The following GRM7 variants were observed in gnomAD, a reference collection of about 807,000 sequenced individuals.
The protein encoded by GRM7 is metabotropic glutamate receptor 7.
Under a neutral mutation model 84.5 loss-of-function variants are expected in GRM7, and 35 were observed. That is an observed-to-expected ratio of 0.41 (90% confidence interval 0.32 to 0.55). The LOEUF is 0.55. Ranked by LOEUF, GRM7 falls within the 20% of genes least tolerant of loss-of-function variation. GRM7 has a pLI of 0.19. For synonymous variants in GRM7, 487 were observed against 455.1 expected (o/e 1.07, Z -0.89); for missense variants, 1,003 against 1,194.6 (o/e 0.84, Z 2.36).
At chr3:6,912,413 G>A (rs185002213) in intron 1 of GRM7, among the ~76,000 whole-genome samples, 37 of 152,282 alleles carry the variant, frequency 2.4e-4, no homozygotes, top group Non-Finnish European at 4.0e-4. Flanking sequence ...TTTGGGAAAT[G>A]CTGTCCTACT....
chr3:7,699,887 AC>A (rs1701163241), intron 9 of GRM7, among the ~76,000 whole-genome samples: 1 of 152,172 alleles, frequency 6.6e-6, no homozygotes, highest in Non-Finnish European at 1.5e-5. Context: ...GGTCAGAGTT[AC>A]AGGCTCTGGA....
intron 1 of GRM7, among the ~76,000 whole-genome samples, chr3:7,140,380 T>C (rs1233367003): frequency 1.3e-5 from 2 of 151,650 alleles, no homozygotes; most frequent in African/African-American, 4.9e-5. Context: ...GGGAAAAAAA[T>C]GAATTGTAAG....
chr3:7,561,319 A>G (rs886739279), intron 7 of GRM7: 1 of 267,518 alleles, frequency 3.7e-6, no homozygotes, highest in African/African-American at 2.2e-5. Context: ...CATTGAATTT[A>G]GTGTGATTTA....
At chr3:7,526,522 T>G (rs1300803408) in intron 7 of GRM7, among the ~76,000 whole-genome samples, 1 of 151,952 alleles carries the variant, frequency 6.6e-6, no homozygotes, top group African/African-American at 2.4e-5. Context: ...GTGCAAAAGT[T>G]CTTTAGTTTA....
At chr3:7,029,093 C>T (rs1696088339) in intron 1 of GRM7, among the ~76,000 whole-genome samples, 1 of 152,098 alleles carries the variant, frequency 6.6e-6, no homozygotes, top group Non-Finnish European at 1.5e-5. Context: ...CACCTGAGGT[C>T]AGGAGTTCAA....
At chr3:7,634,638 C>G (rs550328424) in intron 8 of GRM7, among the ~76,000 whole-genome samples, 1 of 151,772 alleles carries the variant, frequency 6.6e-6, no homozygotes, top group Non-Finnish European at 1.5e-5. Flanking sequence ...ACTAAAAATA[C>G]ATAAAATTAG....
chr3:7,680,054 C>T lies in GRM7; in HGVS notation c.2457C>T (p.Tyr819=), dbSNP rs775308992. 2 of 1,614,018 alleles carry T rather than the reference C, an allele frequency of 1.2e-6. No individual in the cohort carries two copies. Among genetic ancestry groups the T allele is most frequent in the Non-Finnish European group, 1.7e-6 (2 of 1,179,890 alleles). The change falls in exon 9 of 10, where the codon TAC becomes TAT. Residue 819 remains tyrosine (Y), a synonymous_variant. Coordinates refer to ENST00000357716, the MANE Select transcript of GRM7 (RefSeq NM_000844.4). ...FGTAQSAEKL[Y]IQTTTLTISM... ...TTGTGTGTTGTGTCTCCTAGCTCTA[C>T]ATACAAACTACCACGCTTACAATCT...
chr3:7,388,567 G>C (rs917103768), intron 4 of GRM7, among the ~76,000 whole-genome samples: 1 of 151,978 alleles, frequency 6.6e-6, no homozygotes, highest in Non-Finnish European at 1.5e-5. Context: ...AATCTGTCTG[G>C]TCCAAGGCTT....
chr3:7,095,089 C>G (rs539852290), intron 1 of GRM7, among the ~76,000 whole-genome samples: 4 of 151,608 alleles, frequency 2.6e-5, no homozygotes, highest in African/African-American at 9.7e-5. Context: ...ATCTCTTGGT[C>G]TCTGGTGTTG....
intron 9 of GRM7, among the ~76,000 whole-genome samples, chr3:7,731,317 G>T (rs1419099381): frequency 6.6e-6 from 1 of 152,152 alleles, no homozygotes; most frequent in Non-Finnish European, 1.5e-5. Context: ...GGAAAAAAAG[G>T]ATGGCAAAGC....
At chr3:7,049,889 A>G (rs530130563) in intron 1 of GRM7, among the ~76,000 whole-genome samples, 20 of 152,074 alleles carry the variant, frequency 1.3e-4, no homozygotes, top group African/African-American at 2.6e-4. Flanking sequence ...GGCTTACTCA[A>G]GGAACTGGAA....
chr3:7,527,507 T>A (rs1355375795), intron 7 of GRM7, among the ~76,000 whole-genome samples: 1 of 152,056 alleles, frequency 6.6e-6, no homozygotes, highest in Non-Finnish European at 1.5e-5. Flanking sequence ...CCTGTTTGGA[T>A]GCCTTTTATT....
At chr3:6,968,777 C>A (rs1429878479) in intron 1 of GRM7, among the ~76,000 whole-genome samples, 1 of 152,148 alleles carries the variant, frequency 6.6e-6, no homozygotes, top group Non-Finnish European at 1.5e-5. Flanking sequence ...CCCTCCATAT[C>A]TTTCAAGGCA....
chr3:7,504,300 G>C (rs911973012), intron 7 of GRM7, among the ~76,000 whole-genome samples: 9 of 152,082 alleles, frequency 5.9e-5, no homozygotes, highest in African/African-American at 2.2e-4. Flanking sequence ...CTGCTTCTTT[G>C]TACTTCTTCT....
intron 2 of GRM7, among the ~76,000 whole-genome samples, chr3:7,266,609 T>TA (rs1055137833): frequency 1.2e-4 from 18 of 152,302 alleles, no homozygotes; most frequent in African/African-American, 4.1e-4. Flanking sequence ...CCTTTTTTTT[T>TA]AACCAAACAA....
intron 5 of GRM7, among the ~76,000 whole-genome samples, chr3:7,443,991 GA>G (rs1697400943): frequency 6.6e-6 from 1 of 152,120 alleles, no homozygotes; most frequent in South Asian, 2.1e-4. Flanking sequence ...ACAGGAGGAG[GA>G]AAAAAGATTA....
chr3:7,076,051 T>C (rs1206733743), intron 1 of GRM7, among the ~76,000 whole-genome samples: 7 of 152,084 alleles, frequency 4.6e-5, no homozygotes, highest in Non-Finnish European at 1.0e-4. Context: ...AATGAACAAA[T>C]ACTTTGTAAA....
At position 7,227,107 on chromosome 3, in the gene GRM7, G is replaced by T. The variant is rs1163856769; in HGVS notation, c.737-71577G>T. Among the ~76,000 whole-genome samples, 3 of 152,074 alleles carry T rather than the reference G, an allele frequency of 2.0e-5. No individual in the cohort carries two copies. The South Asian group carries it at 6.2e-4, about 31-fold the overall frequency. ...TTAAATTATTTTAATATTAATTAAG[G>T]TACCTCTCTTGCATTATTCAGCCTG... On this transcript the variant is annotated intron_variant, in intron 2 of 9. Transcript: ENST00000357716.
chr3:7,209,253 T>A (rs969562544), intron 2 of GRM7, among the ~76,000 whole-genome samples: 17 of 152,368 alleles, frequency 1.1e-4, no homozygotes, highest in African/African-American at 4.1e-4. Flanking sequence ...CACATCATCA[T>A]AAATTTGTCA....
Sources: allele counts gnomAD v4.1 joint callset (sites outside exome capture counted in the v4.1 genomes callset), GRCh38; gene constraint gnomAD v4.1.1; transcripts MANE v1.5; gene names NCBI Gene and HGNC (gene_info 2026-07-23, HGNC 2026-07-21).